The following NANS variants were observed in gnomAD, a reference collection of about 807,000 sequenced individuals.
The protein encoded by NANS is N-acetylneuraminate synthase, also known as N-acetylneuraminate-9-phosphate synthase.
Under a neutral mutation model 33.3 loss-of-function variants are expected in NANS, and 29 were observed. That is an observed-to-expected ratio of 0.87 (90% CI 0.65 to 1.19). The LOEUF is 1.19. NANS is among the 50% of genes most tolerant of loss of function. The pLI is 0.00. For synonymous variants in NANS, 163 were observed against 177.2 expected (o/e 0.92, Z 0.64); for missense variants, 394 against 461.1 (o/e 0.85, Z 1.33).
Position 98,078,346 on chromosome 9 carries a change from C to CG in NANS, c.603+1dup. 1 of 1,613,750 alleles carries CG rather than the reference C, an allele frequency of 6.2e-7. No individual in the cohort carries two copies. The highest frequency in any genetic ancestry group is 8.5e-7 in the Non-Finnish European group (1 of 1,179,796). On this transcript the variant is annotated frameshift_variant and splice_region_variant, in exon 4 of 6. Transcript: ENST00000210444. LOFTEE classifies it high-confidence loss of function. ...GAGGACGTCAACCTGCGGGTCATCT[C>CG]GGTGAGCAGGAGGGAGGGGGTTCCC...
At chr9:98,082,719 G>C in intron 5 of NANS, 127 bp from the exon 6 acceptor site, 1 of 758,440 alleles carries the variant, frequency 1.3e-6, no homozygotes, top group East Asian at 2.7e-5. Context: ...CAGTGTAGGG[G>C]GCAACAGAGT....
intron 2 of NANS, chr9:98,074,591 G>A (rs1829497741): frequency 6.6e-6 from 1 of 152,190 alleles, no homozygotes; most frequent in Non-Finnish European, 1.5e-5. Flanking sequence ...CCCAGGAGGC[G>A]GCAAAATGAG....
At chr9:98,064,686 A>G (rs539696477) in intron 2 of NANS, among the ~76,000 whole-genome samples, 11 of 152,240 alleles carry the variant, frequency 7.2e-5, no homozygotes, top group Non-Finnish European at 1.2e-4. Flanking sequence ...AAGTTTGTTC[A>G]GTATCACACA....
intron 2 of NANS, among the ~76,000 whole-genome samples, chr9:98,071,510 C>T (rs1294040264): frequency 6.6e-6 from 1 of 152,140 alleles, no homozygotes; most frequent in Non-Finnish European, 1.5e-5. Context: ...TAAATGTGAT[C>T]GTTAATATAA....
At position 98,061,797 on chromosome 9, in the gene NANS, TAA is replaced by T. The variant is rs573600187; in HGVS notation, c.348+801_348+802del. On this transcript the variant is annotated intron_variant, in intron 2 of 5. Coordinates refer to ENST00000210444, the MANE Select transcript of NANS (RefSeq NM_018946.4). ...CCGTCTCAAAAAAAAAAAAAATTAA[TAA>T]TAATAATAATAGTAATAACAATAAC... Among the ~76,000 whole-genome samples the T allele has an allele frequency of 2.9e-4, 43 of 147,244 alleles. 1 individual carries two copies. The highest frequency in any genetic ancestry group is 1.1e-3 in the African/African-American group (43 of 39,308).
intron 2 of NANS, among the ~76,000 whole-genome samples, chr9:98,070,243 A>G (rs1829278362): frequency 6.6e-6 from 1 of 151,986 alleles, no homozygotes; most frequent in Non-Finnish European, 1.5e-5. Flanking sequence ...TCAGCCTCCC[A>G]AGTAGCTGGG....
At chr9:98,082,597 G>A (rs879582428) in intron 5 of NANS, among the ~76,000 whole-genome samples, 11 of 152,216 alleles carry the variant, frequency 7.2e-5, no homozygotes, top group African/African-American at 2.2e-4. Context: ...ACCTGGCTCC[G>A]CCTACATAGC....
chr9:98,064,967 A>C (rs1383635888), intron 2 of NANS, among the ~76,000 whole-genome samples: 6 of 152,054 alleles, frequency 3.9e-5, no homozygotes, highest in Non-Finnish European at 8.8e-5. Flanking sequence ...GGTTAGTTAG[A>C]TATATTGCTG....
At chr9:98,067,274 G>A (rs895223520) in intron 2 of NANS, among the ~76,000 whole-genome samples, 1 of 152,150 alleles carries the variant, frequency 6.6e-6, no homozygotes, top group Non-Finnish European at 1.5e-5. Context: ...TTACATATAT[G>A]AGTGGAATTG....
intron 4 of NANS, among the ~76,000 whole-genome samples, chr9:98,078,773 T>A (rs1429167651): frequency 6.8e-6 from 1 of 146,860 alleles, no homozygotes; most frequent in African/African-American, 2.6e-5. Context: ...AGGCAGAGGT[T>A]GCAGTGAGCC....
At chr9:98,062,717 G>A (rs1829017543) in intron 2 of NANS, among the ~76,000 whole-genome samples, 1 of 150,740 alleles carries the variant, frequency 6.6e-6, no homozygotes, top group South Asian at 2.1e-4. Flanking sequence ...TATTTCTTTT[G>A]GTGCATGTAC....
intron 2 of NANS, among the ~76,000 whole-genome samples, chr9:98,067,011 A>C (rs1829168102): frequency 6.6e-6 from 1 of 152,174 alleles, no homozygotes; most frequent in Non-Finnish European, 1.5e-5. Flanking sequence ...AGAATCATAC[A>C]ATATGTGGTC....
intron 3 of NANS, 107 bp from the exon 4 acceptor site, chr9:98,078,086 T>C: frequency 2.7e-6 from 4 of 1,505,388 alleles, no homozygotes; most frequent in Non-Finnish European, 3.6e-6. Context: ...TTTTAAGAGA[T>C]GTCTGTGGAG....
intron 1 of NANS, among the ~76,000 whole-genome samples, chr9:98,057,922 GTTTTT>G (rs35104052): frequency 3.8e-5 from 3 of 78,090 alleles, no homozygotes; most frequent in African/African-American, 1.6e-4. Flanking sequence ...TTTTTTCCTG[GTTTTT>G]TTTTTTTTTT....
chr9:98,067,632 A>G (rs376056349), intron 2 of NANS, among the ~76,000 whole-genome samples: 6 of 152,140 alleles, frequency 3.9e-5, no homozygotes, highest in East Asian at 1.9e-4. Flanking sequence ...TAGCCTTCCA[A>G]TGAATTGTCT....
chr9:98,060,274 C>A (rs890975116), intron 1 of NANS, among the ~76,000 whole-genome samples: 1 of 152,188 alleles, frequency 6.6e-6, no homozygotes, highest in East Asian at 1.9e-4. Flanking sequence ...GGAGGTCTCC[C>A]ATCTCCAAAC....
rs546277264 is a variant in NANS at position 98,075,198 on chromosome 9, C to G, written c.349-1720C>G. ...CATGTGGTGGCACGTGCTTGTGGTC[C>G]CAGCTACTTGGGAGACTGAGGCAGG... On this transcript the variant is annotated intron_variant, in intron 2 of 5. Transcript: ENST00000210444. 3.3e-5 allele frequency: 5 copies of G among 152,128 alleles called. No homozygotes were observed. In the East Asian group the frequency reaches 9.7e-4, roughly 29 times the overall value. 9.4% of individuals were successfully genotyped at this position (152,128 alleles called of 1,614,324 possible).
intron 1 of NANS, among the ~76,000 whole-genome samples, chr9:98,059,181 A>C (rs556616411): frequency 6.6e-6 from 1 of 151,574 alleles, no homozygotes; most frequent in Admixed American, 6.6e-5. Context: ...CCACCACCAC[A>C]CCTAGCTAAT....
At chr9:98,073,930 G>A (rs776715899) in intron 2 of NANS, among the ~76,000 whole-genome samples, 11 of 152,026 alleles carry the variant, frequency 7.2e-5, no homozygotes, top group Non-Finnish European at 1.5e-4. Flanking sequence ...GGGACTGCAG[G>A]CACACACCAC....
Sources: gnomAD v4.1 joint callset for allele counts (sites outside exome capture counted in the v4.1 genomes callset) on GRCh38, gnomAD v4.1.1 for gene constraint, MANE v1.5 for transcripts, NCBI Gene and HGNC (gene_info 2026-07-23, HGNC 2026-07-21) for gene names.